Variants in CTNNB1 observed in about 807,000 individuals in gnomAD.
The protein encoded by CTNNB1 is catenin beta-1.
A neutral mutation model predicts 82.5 loss-of-function variants in CTNNB1; 6 were observed. The observed-to-expected ratio is 0.07, with a 90% CI of 0.04 to 0.14. The LOEUF is 0.14. Among genes scored for constraint, CTNNB1 ranks in the 10% least tolerant of loss-of-function variants. CTNNB1 has a pLI of 1.00. For synonymous variants in CTNNB1, 312 were observed against 329.7 expected (o/e 0.95, Z 0.58); for missense variants, 529 against 980.4 (o/e 0.54, Z 6.15).
At chr3:41,237,491 T>C (rs953817857) in intron 13 of CTNNB1, 1 of 149,040 alleles carries the variant, frequency 6.7e-6, no homozygotes, top group East Asian at 1.9e-4. Flanking sequence ...GAGTAGTGTG[T>C]TACTTGGGTT....
Position 41,225,910 on chromosome 3 carries a change from C to CA in CTNNB1, c.936+50dup. 2 of 1,519,554 alleles carry CA rather than the reference C, an allele frequency of 1.3e-6. No homozygotes were observed. The highest frequency in any genetic ancestry group is 4.5e-5 in the East Asian group (2 of 44,202). The allele number at this position is 1,519,554 out of a possible 1,614,324, so 94.1% of individuals were successfully genotyped here. A position where few individuals can be genotyped will look rare whatever the true frequency, so the allele number is the denominator to read the frequency against. ...GTTTTCATGGAGCATTGGACACCTC[C>CA]AGTGTCATGTCATTCCATGCAGTGT... On this transcript the variant is annotated intron_variant, in intron 6 of 14. Coordinates refer to ENST00000349496, the MANE Select transcript of CTNNB1 (RefSeq NM_001904.4). The surrounding 1 kb of genome is among the most constrained non-coding windows in gnomAD (Gnocchi z 5.3).
chr3:41,236,094 C>G, intron 11 of CTNNB1: 2 of 682,418 alleles, frequency 2.9e-6, no homozygotes. Context: ...GCATAGACCC[C>G]CAACCAATTC....
intron 1 of CTNNB1, among the ~76,000 whole-genome samples, chr3:41,214,500 T>G (rs2077869955): frequency 6.6e-6 from 1 of 152,246 alleles, no homozygotes; most frequent in Non-Finnish European, 1.5e-5. Context: ...ATAAATTGTC[T>G]TGTTATAGCT....
chr3:41,234,045 T>C, intron 9 of CTNNB1, 94 bp from the exon 10 acceptor site: 3 of 1,548,456 alleles, frequency 1.9e-6, no homozygotes, highest in Non-Finnish European at 2.7e-6. Context: ...AGAACTACTT[T>C]TAGTTGATAC....
chr3:41,206,699 T>C (rs1022866624), intron 1 of CTNNB1, among the ~76,000 whole-genome samples: 9 of 151,906 alleles, frequency 5.9e-5, no homozygotes, highest in Non-Finnish European at 1.2e-4. Context: ...TGAGTGTCTT[T>C]GAAGTTTTGC....
In CTNNB1 at chr3:41,224,101, T is replaced by C. The variant is rs779188059; in HGVS notation, c.13+20T>C. The C allele has an allele frequency of 5.0e-6, 8 of 1,613,574 alleles. No homozygotes were observed. The highest frequency in any genetic ancestry group is 1.7e-5 in the Admixed American group (1 of 59,972). On this transcript the variant is annotated intron_variant, in intron 2 of 14. Coordinates refer to ENST00000349496, the MANE Select transcript of CTNNB1 (RefSeq NM_001904.4). ...CTCAAGGTTTGTGTCATTAAATCTT[T>C]AGTTACTGAATTGGGGCTCTGCTTC...
At position 41,225,629 on chromosome 3, in the gene CTNNB1, A is replaced by G. The variant is rs1252966517; in HGVS notation, c.735-31A>G. 1 of 1,613,832 alleles carries G rather than the reference A, an allele frequency of 6.2e-7. No homozygotes were observed. Among genetic ancestry groups the G allele is most frequent in the Non-Finnish European group, 8.5e-7 (1 of 1,179,860 alleles). On this transcript the variant is annotated intron_variant, in intron 5 of 14. Transcript: ENST00000349496. The surrounding 1 kb of genome is among the most constrained non-coding windows in gnomAD (Gnocchi z 5.3). ...AAAAGTAGAAGAGTATACTCACAATATTTCTGATGAGGCTTTTTTCTTCTT... is the reference window on the plus strand; with the variant it reads ...AAAAGTAGAAGAGTATACTCACAATGTTTCTGATGAGGCTTTTTTCTTCTT...
chr3:41,215,816 C>A (rs540995548), intron 1 of CTNNB1, among the ~76,000 whole-genome samples: 2 of 152,008 alleles, frequency 1.3e-5, no homozygotes, highest in Non-Finnish European at 1.5e-5. Flanking sequence ...TCTTCAATTT[C>A]TTTGGCATAT....
intron 1 of CTNNB1, among the ~76,000 whole-genome samples, chr3:41,220,280 G>A (rs1024962341): frequency 1.3e-5 from 2 of 151,658 alleles, no homozygotes; most frequent in Non-Finnish European, 2.9e-5. Context: ...TTTAAAGACA[G>A]TACCAAAGGC....
chr3:41,236,461 C>A lies in CTNNB1; in HGVS notation c.1916C>A (p.Pro639His). 1 of 1,614,220 alleles carries A rather than the reference C, an allele frequency of 6.2e-7. No individual in the cohort carries two copies. The highest frequency in any genetic ancestry group is 1.1e-5 in the South Asian group (1 of 91,082). Residue 639 changes from proline to histidine, a missense_variant, in exon 12 of 15, where the codon CCT becomes CAT. Physicochemically the swap from Pro to His is moderately conservative, Grantham distance 77. Around this residue, in one of 4 missense-constraint regions of CTNNB1, gnomAD observed 411 missense variants for 776.4 expected, o/e 0.53. Transcript: ENST00000349496. ...ATTGAAGCTGAGGGAGCCACAGCTCCTCTGACAGAGTTACTTCACTCTAGG... is the reference window on the plus strand; with the variant it reads ...ATTGAAGCTGAGGGAGCCACAGCTCATCTGACAGAGTTACTTCACTCTAGG... Reference protein sequence around the residue: ...EAIEAEGATAPLTELLHSRNE... With the variant: ...EAIEAEGATAHLTELLHSRNE...
intron 6 of CTNNB1, among the ~76,000 whole-genome samples, chr3:41,226,371 T>C (rs553182606): frequency 4.6e-5 from 7 of 152,256 alleles, no homozygotes; most frequent in Admixed American, 4.6e-4. Flanking sequence ...TGGGAAGAAG[T>C]GGGGCTATGA....
intron 1 of CTNNB1, among the ~76,000 whole-genome samples, chr3:41,220,297 T>G (rs2125609315): frequency 6.6e-6 from 1 of 152,100 alleles, no homozygotes; most frequent in East Asian, 1.9e-4. Flanking sequence ...AGGCATACAT[T>G]TTAGTGTTTG....
At chr3:41,239,049 C>T (rs904752878) in intron 14 of CTNNB1, 85 bp from the exon 15 acceptor site, 27 of 1,159,974 alleles carry the variant, frequency 2.3e-5, no homozygotes, top group Non-Finnish European at 3.2e-5. Flanking sequence ...ATGCCCTAAC[C>T]TCAGTGTTAA....
intron 1 of CTNNB1, among the ~76,000 whole-genome samples, chr3:41,210,115 T>C (rs1287376504): frequency 6.6e-6 from 1 of 152,216 alleles, no homozygotes; most frequent in Non-Finnish European, 1.5e-5. Flanking sequence ...TAAGCTTTTT[T>C]ATATTTTTAA....
intron 1 of CTNNB1, among the ~76,000 whole-genome samples, chr3:41,217,485 A>C (rs1057315110): frequency 1.3e-5 from 2 of 152,172 alleles, no homozygotes; most frequent in Admixed American, 1.3e-4. Flanking sequence ...TTAATGGATA[A>C]ATTATTTTTT....
At chr3:41,217,630 A>G (rs1005984436) in intron 1 of CTNNB1, among the ~76,000 whole-genome samples, 1 of 152,216 alleles carries the variant, frequency 6.6e-6, no homozygotes, top group East Asian at 1.9e-4. Flanking sequence ...GTCAAAGGGT[A>G]GTTACACTTT....
chr3:41,236,878 A>G, intron 13 of CTNNB1, 169 bp downstream of exon 13: 1 of 784,824 alleles, frequency 1.3e-6, no homozygotes, highest in Non-Finnish European at 2.1e-6. Context: ...GAACTATAAT[A>G]CAAGCTTTAA....
intron 1 of CTNNB1, chr3:41,220,469 G>T (rs1258439018): frequency 7.4e-6 from 1 of 134,740 alleles, no homozygotes; most frequent in South Asian, 2.2e-4. Context: ...AAAGAACCTG[G>T]AGTGAGTTGT....
At chr3:41,214,319 A>C (rs1487627977) in intron 1 of CTNNB1, among the ~76,000 whole-genome samples, 1 of 151,364 alleles carries the variant, frequency 6.6e-6, no homozygotes, top group Non-Finnish European at 1.5e-5. Flanking sequence ...TCTGATTAAC[A>C]CCCTTGGTTA....
Sources: gnomAD v4.1 joint callset for allele counts (sites outside exome capture counted in the v4.1 genomes callset) on GRCh38, gnomAD v4.1.1 for gene constraint, gnomAD v4.1.1 regional missense constraint, Gnocchi (gnomAD v3.1) non-coding constraint, MANE v1.5 for transcripts, NCBI Gene and HGNC (gene_info 2026-07-23, HGNC 2026-07-21) for gene names.